The following TMBIM1 variants were observed in gnomAD, a reference collection of about 807,000 sequenced individuals.
The protein encoded by TMBIM1 is transmembrane BAX inhibitor motif containing 1, also known as protein lifeguard 3.
In TMBIM1, 34 loss-of-function variants were observed where a neutral mutation model predicts 45.1. The observed-to-expected ratio is 0.75, with a 90% CI of 0.57 to 1.00. The LOEUF (loss-of-function observed/expected upper bound fraction) is 1.00, where lower values mean the gene tolerates loss of function less well. Ranked by LOEUF, TMBIM1 falls within the 50% of genes least tolerant of loss-of-function variation. TMBIM1 has a pLI of 0.00. For synonymous variants in TMBIM1, 157 were observed against 153.5 expected, an observed-to-expected ratio of 1.02 and a Z score of -0.17; for missense variants, 374 against 402.4, an observed-to-expected ratio of 0.93 and a Z score of 0.60.
In TMBIM1 at chr2:218,282,171, G is replaced by T. The variant is rs776823759; in HGVS notation, c.-30C>A. 1.0e-5 allele frequency: 15 copies of T among 1,438,064 alleles called. No homozygotes were observed. The highest frequency in any genetic ancestry group is 3.0e-5 in the South Asian group (2 of 66,094). The allele number at this position is 1,438,064 out of a possible 1,614,324, so 89.1% of individuals were successfully genotyped here. On this transcript the variant is annotated 5_prime_UTR_variant, in exon 2 of 12. In the 5' UTR this introduces an upstream ATG that the reference lacks. Transcript: ENST00000258412. ...GCTCACGGGCTGAGGGGGAACCCCAGCTGCTGGGACCTGAAATGGGAGAGG... is the reference window on the plus strand; with the variant it reads ...GCTCACGGGCTGAGGGGGAACCCCATCTGCTGGGACCTGAAATGGGAGAGG...
chr2:218,285,005 G>A (rs55827343), intron 1 of TMBIM1, among the ~76,000 whole-genome samples: 70,710 of 152,038 alleles, frequency 0.47, 18,486 homozygotes, highest in South Asian at 0.63. Context: ...CAGGAGAATC[G>A]ATTCAACCTG....
chr2:218,278,997 C>A, intron 5 of TMBIM1, 41 bp downstream of exon 5: 1 of 1,611,906 alleles, frequency 6.2e-7, no homozygotes, highest in Non-Finnish European at 8.5e-7. Flanking sequence ...GAAGCTGCCA[C>A]CCCTGCCTCC....
At position 218,282,060 on chromosome 2, in the gene TMBIM1, GC is replaced by G; in HGVS notation, c.81del (p.Gln28SerfsTer38). Reference protein sequence around the residue: ...YPGPPPPGGYGQPSVLPGGYP... With the variant: ...YPGPPPPGGYXQPSVLPGGYP... ...TACCCTCCTGGCAGGACAGATGGCT[GC>G]CCATAGCCCCCAGGGGGCGGAGGGC... On this transcript the variant is annotated frameshift_variant, in exon 2 of 12. Transcript: ENST00000258412. LOFTEE classifies it high-confidence loss of function. The G allele has an allele frequency of 6.3e-7, 1 of 1,592,304 alleles. No homozygotes were observed. The highest frequency in any genetic ancestry group is 8.6e-7 in the Non-Finnish European group (1 of 1,169,336).
rs1015329863 is a variant in TMBIM1, at chr2:218,289,290, C to G, written c.-41+3176G>C. On this transcript the variant is annotated intron_variant, in intron 1 of 11. Coordinates refer to ENST00000258412, the MANE Select transcript of TMBIM1 (RefSeq NM_022152.6). Reference sequence around the variant, plus strand: ...TCTTGTCCTGGCTTTGGGACTCACTCCACTGTGAGAGCCACATCTCTAGAC... The same window carrying G: ...TCTTGTCCTGGCTTTGGGACTCACTGCACTGTGAGAGCCACATCTCTAGAC... 6.6e-5 allele frequency among the ~76,000 whole-genome samples: 10 copies of G among 152,312 alleles called. No individual in the cohort carries two copies. The South Asian group carries it at 1.2e-3, about 19-fold the overall frequency.
chr2:218,277,341 A>G (rs1691323819), intron 9 of TMBIM1, 25 bp downstream of exon 9: 3 of 1,607,246 alleles, frequency 1.9e-6, no homozygotes, highest in Non-Finnish European at 2.6e-6. Context: ...TCGGGGGGCC[A>G]GGGAAGGGCC....
In TMBIM1 at chr2:218,276,070, G is replaced by C. The variant is rs1691175349; in HGVS notation, c.745C>G (p.Leu249Val). The change falls in exon 11 of 12, where the codon CTC (leucine) becomes GTC (valine). Residue 249 changes from leucine (L) to valine (V), a missense_variant. Leu to Val is a conservative substitution (Grantham distance 32). Transcript: ENST00000258412. ...CCCAGAGCAGCATAGAGCATGTGGA[G>C]CCAGTAAACCTGGAGAAGAAGGGGA... ...IVLYFQYVYWLHMLYAALGAI... is the reference protein window; with the variant it reads ...IVLYFQYVYWVHMLYAALGAI... The C allele has an allele frequency of 6.2e-7, 1 of 1,613,066 alleles. No individual in the cohort carries two copies. Among genetic ancestry groups the C allele is most frequent in the Non-Finnish European group, 8.5e-7 (1 of 1,179,604 alleles).
chr2:218,277,944 C>A lies in TMBIM1; in HGVS notation c.504G>T (p.Leu168=). The part of the protein sequence containing the change: ...RRRFPWNIIL[L]TLFTFAMGFM... ...ACCCTTCTAGACTTACAAAAAGGGT[C>A]AGCAGAATGATGTTCCATGGGAAAC... Residue 168 remains leucine, a synonymous_variant, in exon 7 of 12, where the codon CTG becomes CTT. Coordinates refer to ENST00000258412, the MANE Select transcript of TMBIM1 (RefSeq NM_022152.6). 2 of 1,614,186 alleles carry A rather than the reference C, an allele frequency of 1.2e-6. No homozygotes were observed. The highest frequency in any genetic ancestry group is 1.7e-6 in the Non-Finnish European group (2 of 1,180,028).
chr2:218,290,336 C>T (rs1344002200), intron 1 of TMBIM1, among the ~76,000 whole-genome samples: 3 of 152,234 alleles, frequency 2.0e-5, no homozygotes, highest in South Asian at 4.1e-4. Flanking sequence ...AACCTATTAA[C>T]ACCCTGTGGG....
intron 2 of TMBIM1, 62 bp downstream of exon 2, chr2:218,281,878 G>T: frequency 1.5e-6 from 2 of 1,317,696 alleles, no homozygotes; most frequent in Non-Finnish European, 2.1e-6. Flanking sequence ...GGAGGCGGTG[G>T]CCTCATCTGC....
intron 1 of TMBIM1, chr2:218,286,560 T>A (rs1331989431): frequency 6.6e-6 from 1 of 152,164 alleles, no homozygotes; most frequent in Non-Finnish European, 1.5e-5. Flanking sequence ...GCGGCACAAG[T>A]GGGTGAGCTC....
In TMBIM1 at chr2:218,275,189, A is replaced by T. The variant is rs1691070501; in HGVS notation, c.*286T>A. 1 of 300,768 alleles carries T rather than the reference A, an allele frequency of 3.3e-6. No homozygotes were observed. Among genetic ancestry groups the T allele is most frequent in the Non-Finnish European group, 6.1e-6 (1 of 164,018 alleles). The allele number at this position is 300,768 out of a possible 1,614,324, so 18.6% of individuals were successfully genotyped here. ...CATATTCCTCACAACCCCAGCTGTT[A>T]GGAAGAATGTGGTGTCATACAGTAG... On this transcript the variant is annotated 3_prime_UTR_variant, in exon 12 of 12. Coordinates refer to ENST00000258412, the MANE Select transcript of TMBIM1 (RefSeq NM_022152.6).
At position 218,278,583 on chromosome 2, in the gene TMBIM1, G is replaced by A. The variant is rs1287927188; in HGVS notation, c.423-18C>T. 1 of 1,614,072 alleles carries A rather than the reference G, an allele frequency of 6.2e-7. No homozygotes were observed. The stretch of plus-strand genomic sequence containing the variant: ...AGACAGCACTAGGGACAAAGAGATG[G>A]GGAAGCAGTTCAGGCCCAAATCTGC... On this transcript the variant is annotated intron_variant, in intron 5 of 11. Transcript: ENST00000258412.
In TMBIM1 at chr2:218,275,471, C is replaced by G; in HGVS notation, c.*4G>C. 6.2e-7 allele frequency: 1 copy of G among 1,611,330 alleles called. No individual in the cohort carries two copies. The highest frequency in any genetic ancestry group is 8.5e-7 in the Non-Finnish European group (1 of 1,178,376). On this transcript the variant is annotated 3_prime_UTR_variant, in exon 12 of 12. Coordinates refer to ENST00000258412, the MANE Select transcript of TMBIM1 (RefSeq NM_022152.6). ...AGGATCGGGTGAAAATGGGGGCTTG[C>G]TCCTTAATTGCGATCCCCCATCAGC...
chr2:218,278,672 G>T, intron 5 of TMBIM1, 107 bp from the exon 6 acceptor site: 1 of 1,228,848 alleles, frequency 8.1e-7, no homozygotes, highest in South Asian at 1.2e-5. Context: ...GAAGTCTGAG[G>T]GGAAGCAACT....
intron 2 of TMBIM1, among the ~76,000 whole-genome samples, chr2:218,281,494 G>A (rs146918775): frequency 6.6e-6 from 1 of 152,318 alleles, no homozygotes; most frequent in Non-Finnish European, 1.5e-5. Flanking sequence ...ACCAAACTTG[G>A]CTCCAAATGT....
At chr2:218,280,207 G>T in intron 2 of TMBIM1, 81 bp from the exon 3 acceptor site, 1 of 1,031,650 alleles carries the variant, frequency 9.7e-7, no homozygotes, top group Non-Finnish European at 1.5e-6. Flanking sequence ...CAATCTCAAA[G>T]TCTCAGGGAT....
rs752968981 is a variant in TMBIM1, at chr2:218,281,939, C to CCGTA, written c.199_202dup (p.Gly68ValfsTer8). ...CTTCCATCTGCCCTTCCAGGACTCACCGTAGTTCATGGGCATCGGGTGGGT... is the reference window on the plus strand; with the variant it reads ...CTTCCATCTGCCCTTCCAGGACTCACCGTACGTAGTTCATGGGCATCGGGTGGGT... On this transcript the variant is annotated frameshift_variant and splice_region_variant. Transcript: ENST00000258412. LOFTEE classifies it high-confidence loss of function. 8.8e-6 allele frequency: 14 copies of CCGTA among 1,592,224 alleles called. No homozygotes were observed. In the South Asian group the frequency reaches 1.6e-4, roughly 18 times the overall value.
chr2:218,277,816 G>A (rs1052782219), intron 7 of TMBIM1, 119 bp downstream of exon 7: 1 of 1,542,226 alleles, frequency 6.5e-7, no homozygotes, highest in Non-Finnish European at 8.9e-7. Context: ...AGAACAGGCG[G>A]CCCAGATAAG....
At chr2:218,277,583 C>G (rs2106193052) in intron 8 of TMBIM1, 50 bp downstream of exon 8, 6 of 1,613,454 alleles carry the variant, frequency 3.7e-6, no homozygotes, top group East Asian at 2.2e-5. Context: ...GAACACCCCA[C>G]TCCCCACAAT....
Sources: allele counts gnomAD v4.1 joint callset (sites outside exome capture counted in the v4.1 genomes callset), GRCh38; gene constraint gnomAD v4.1.1; transcripts MANE v1.5; gene names NCBI Gene and HGNC (gene_info 2026-07-23, HGNC 2026-07-21).